TENM2: variants seen among roughly 807,000 people sequenced by gnomAD.
TENM2 encodes the protein teneurin-2.
In TENM2, 52 loss-of-function variants were observed where a neutral mutation model predicts 245.2. The ratio of observed to expected loss-of-function variants is 0.21; its 90% CI spans 0.17 to 0.27. TENM2 has a LOEUF of 0.27. TENM2 is among the 10% of genes least tolerant of loss of function. TENM2 has a pLI of 1.00. For missense variants in TENM2, 3,046 were observed against 3,666.8 expected (o/e 0.83, Z 4.37); for synonymous variants, 1,363 against 1,438.9 (o/e 0.95, Z 1.19).
chr5:167,459,924 A>ACACACAC (rs1554159243), intron 2 of TENM2, among the ~76,000 whole-genome samples: 2 of 151,628 alleles, frequency 1.3e-5, no homozygotes, highest in Non-Finnish European at 2.9e-5. Flanking sequence ...ACACACACAC[A>ACACACAC]CACACACACA....
chr5:167,243,175 G>A, the TENM2 span, among the ~76,000 whole-genome samples: 1 of 152,072 alleles, frequency 6.6e-6, no homozygotes, highest in Admixed American at 6.6e-5. Flanking sequence ...AGTAAGGAGG[G>A]GGTTGCCAGT....
At position 168,254,959 on chromosome 5, in the gene TENM2, A is replaced by C. The variant is rs140401848; in HGVS notation, c.7433-5324A>C. ...CTACTAGAGAAGCTGAGGCAGGAGA[A>C]TCTCTTGAACCTGGGAGGCAGAGGT... On this transcript the variant is annotated intron_variant, in intron 27 of 28. Transcript: ENST00000518659. Among the ~76,000 whole-genome samples, 1,400 of 152,100 alleles carry C rather than the reference A, an allele frequency of 9.2e-3. 22 individuals are homozygous for C. Among genetic ancestry groups the C allele is most frequent in the African/African-American group, 0.032 (1,337 of 41,490 alleles).
the TENM2 span, among the ~76,000 whole-genome samples, chr5:167,016,259 A>AC: frequency 8.8e-4 from 82 of 92,794 alleles, no homozygotes; most frequent in Middle Eastern, 5.0e-3. Context: ...GTCTCAAAAA[A>AC]AAAAACAAAC....
At chr5:168,069,231 C>T (rs1446550486) in intron 7 of TENM2, among the ~76,000 whole-genome samples, 8 of 152,168 alleles carry the variant, frequency 5.3e-5, no homozygotes, top group Admixed American at 3.3e-4. Flanking sequence ...AGACACACAT[C>T]GGCCTGGATT....
intron 1 of TENM2, among the ~76,000 whole-genome samples, chr5:167,348,651 A>C (rs1469552633): frequency 6.6e-6 from 1 of 152,192 alleles, no homozygotes; most frequent in Admixed American, 6.5e-5. Context: ...TAGAAAGGCT[A>C]TTCTTTTTAC....
At position 168,247,930 on chromosome 5, in the gene TENM2, C is replaced by T. The variant is rs369038425; in HGVS notation, c.6991C>T (p.Arg2331Cys). The T allele has an allele frequency of 4.6e-5, 75 of 1,613,840 alleles. 1 individual carries two copies. Among genetic ancestry groups the T allele is most frequent in the East Asian group, 2.5e-4 (11 of 44,890 alleles). Reference sequence around the variant, plus strand: ...CTACTCTGACCTCCACAACCCGACGCGCATCACCCATGTCTACAATCACTC... The same window carrying T: ...CTACTCTGACCTCCACAACCCGACGTGCATCACCCATGTCTACAATCACTC... Residue 2331 changes from arginine to cysteine, a missense_variant, in exon 27 of 29, where the codon CGC (arginine) becomes TGC (cysteine). Physicochemically the swap from Arg to Cys is radical, Grantham distance 180 (BLOSUM62 -3). Around this residue, in one of 2 missense-constraint regions of TENM2, gnomAD observed 2,704 missense variants for 3,331.9 expected, o/e 0.81. Transcript: ENST00000518659. This position sits in a 1 kb window ranked among gnomAD's most constrained non-coding sequence, Gnocchi z 7.8.
chr5:167,220,217 GGGAGGAGACTC>G, the TENM2 span, among the ~76,000 whole-genome samples: 884 of 152,252 alleles, frequency 5.8e-3, 7 homozygotes, highest in African/African-American at 0.02. Context: ...GTATCCTCTT[GGGAGGAGACTC>G]TTAAGTCTTG....
chr5:168,261,825 C>T (rs1196757478), intron 28 of TENM2, among the ~76,000 whole-genome samples: 1 of 152,108 alleles, frequency 6.6e-6, no homozygotes, highest in African/African-American at 2.4e-5. Context: ...ATGGACAGAC[C>T]ACACCATCAG....
intron 2 of TENM2, among the ~76,000 whole-genome samples, chr5:167,852,513 C>G (rs1207105571): frequency 6.6e-6 from 1 of 152,198 alleles, no homozygotes; most frequent in African/African-American, 2.4e-5. Context: ...TTATTTATCC[C>G]TATTTAACTA....
chr5:168,253,667 C>T (rs1274427570), intron 27 of TENM2, among the ~76,000 whole-genome samples: 3 of 150,508 alleles, frequency 2.0e-5, no homozygotes, highest in Admixed American at 6.6e-5. Context: ...CCTTGTGATT[C>T]GCCCGCCTCG....
chr5:167,217,474 G>T, the TENM2 span, among the ~76,000 whole-genome samples: 1 of 152,044 alleles, frequency 6.6e-6, no homozygotes, highest in Non-Finnish European at 1.5e-5. Flanking sequence ...GAAAACCCTT[G>T]TGATTGGGAG....
chr5:167,949,949 C>A (rs1779948791), intron 3 of TENM2, among the ~76,000 whole-genome samples: 1 of 152,104 alleles, frequency 6.6e-6, no homozygotes, highest in Non-Finnish European at 1.5e-5. Context: ...GAATGTCTTC[C>A]AATACCGAGA....
At chr5:167,333,125 A>T (rs996974027) in intron 1 of TENM2, among the ~76,000 whole-genome samples, 1 of 152,248 alleles carries the variant, frequency 6.6e-6, no homozygotes, top group Non-Finnish European at 1.5e-5. Context: ...TGTTATGGGC[A>T]TTAAGTAAAA....
At chr5:167,870,577 GTA>G (rs924779577) in intron 2 of TENM2, among the ~76,000 whole-genome samples, 43 of 136,144 alleles carry the variant, frequency 3.2e-4, no homozygotes, top group Admixed American at 2.1e-3. Context: ...ATATGTGTGT[GTA>G]TATATATATG....
chr5:168,075,685 T>A (rs1791405283), intron 7 of TENM2, among the ~76,000 whole-genome samples: 1 of 152,250 alleles, frequency 6.6e-6, no homozygotes, highest in Non-Finnish European at 1.5e-5. Flanking sequence ...ATGGTGTTGT[T>A]TGTATCTGTA....
In TENM2 at chr5:168,090,681, G is replaced by A. The variant is rs749131526; in HGVS notation, c.1623G>A (p.Val541=). The change falls in exon 8 of 29, where the codon GTG becomes GTA. Residue 541 remains valine, a synonymous_variant. Coordinates refer to ENST00000518659, the Ensembl canonical transcript of TENM2. ...TGGTTCAGAATGAAGCCGTGTTTGT[G>A]CAGTACCTGGATGTGGGCCTGTGGC... 6.2e-6 allele frequency: 10 copies of A among 1,613,926 alleles called. No homozygotes were observed. In the South Asian group the frequency reaches 9.9e-5, roughly 16 times the overall value.
chr5:167,528,277 G>A (rs1238448172), intron 2 of TENM2, among the ~76,000 whole-genome samples: 1 of 152,030 alleles, frequency 6.6e-6, no homozygotes. Context: ...AAGTCAAAAT[G>A]GACTGTGAGA....
intron 2 of TENM2, among the ~76,000 whole-genome samples, chr5:167,719,005 A>G (rs2150510798): frequency 6.6e-6 from 1 of 152,314 alleles, no homozygotes; most frequent in East Asian, 1.9e-4. Context: ...TTTTTCAGGT[A>G]TACAACTAAA....
At chr5:167,319,029 T>C (rs1756551895) in intron 1 of TENM2, among the ~76,000 whole-genome samples, 1 of 152,194 alleles carries the variant, frequency 6.6e-6, no homozygotes, top group Non-Finnish European at 1.5e-5. Flanking sequence ...ATGGGATATT[T>C]AGAGATTTTA....
Sources: allele counts gnomAD v4.1 joint callset (sites outside exome capture counted in the v4.1 genomes callset), GRCh38; gene constraint gnomAD v4.1.1; regional missense constraint gnomAD v4.1.1; non-coding constraint Gnocchi (gnomAD v3.1); transcripts MANE v1.5; gene names NCBI Gene and HGNC (gene_info 2026-07-23, HGNC 2026-07-21).